Variants in KRT7 observed in about 807,000 individuals in gnomAD.
KRT7 encodes the protein keratin 7, also known as keratin, type II cytoskeletal 7.
Under a neutral mutation model 42.8 loss-of-function variants are expected in KRT7, and 50 were observed. That is an observed-to-expected ratio of 1.17 (90% CI 0.93 to 1.48). KRT7 has a LOEUF of 1.48. Among genes scored for constraint, KRT7 ranks in the 40% most tolerant of loss-of-function variants. KRT7 has a pLI of 0.00. For missense variants in KRT7, 588 were observed against 637.6 expected (o/e 0.92, Z 0.84); for synonymous variants, 268 against 266.3 (o/e 1.01, Z -0.06).
At chr12:52,254,298 T>C, downstream of KRT7, 1 of 984,732 alleles carries the variant, frequency 1.0e-6, no homozygotes, top group Non-Finnish European at 1.6e-6. Context: ...AGGAAGTCGA[T>C]CTCCTGGGTC....
At chr12:52,251,720 C>T (rs1056942560), downstream of KRT7, 1 of 338,046 alleles carries the variant, frequency 3.0e-6, no homozygotes, top group Non-Finnish European at 5.8e-6. Context: ...TGGTACATGA[C>T]TGTAGCTAAT....
chr12:52,241,438 C>A, intron 4 of KRT7, 34 bp from the exon 5 acceptor site: 2 of 1,563,394 alleles, frequency 1.3e-6, no homozygotes, highest in Non-Finnish European at 1.7e-6. Flanking sequence ...TAGGATCCTG[C>A]CCTAAGTCCT....
Position 52,243,091 on chromosome 12 carries a change from G to A in KRT7, c.938G>A (p.Arg313Gln), listed in dbSNP as rs761868018. The change falls in exon 6 of 9, where the codon CGG becomes CAG. Residue 313 changes from arginine to glutamine, a missense_variant. Transcript: ENST00000331817. Reference protein sequence around the residue: ...NTRNEISEMNRAIQRLQAEID... With the variant: ...NTRNEISEMNQAIQRLQAEID... The stretch of plus-strand genomic sequence containing the variant: ...CGGAATGAGATTTCAGAGATGAACC[G>A]GGCCATCCAGAGGCTGCAGGCTGAG... The A allele has an allele frequency of 1.7e-5, 27 of 1,613,632 alleles. No homozygotes were observed. The highest frequency in any genetic ancestry group is 4.5e-5 in the East Asian group (2 of 44,862).
intron 4 of KRT7, among the ~76,000 whole-genome samples, chr12:52,240,186 CATAT>C (rs57292935): frequency 1.5e-5 from 2 of 130,808 alleles, no homozygotes; most frequent in African/African-American, 5.5e-5. Flanking sequence ...CACACACACA[CATAT>C]ATATAAAGTT....
At chr12:52,245,171 TG>T (rs1453505438) in intron 6 of KRT7, 1 of 567,176 alleles carries the variant, frequency 1.8e-6, no homozygotes, top group Non-Finnish European at 3.1e-6. Context: ...GAGGGGACTT[TG>T]GCTTAGCAGG....
chr12:52,236,203 C>A (rs959680292), intron 2 of KRT7, among the ~76,000 whole-genome samples: 1 of 150,862 alleles, frequency 6.6e-6, no homozygotes. Context: ...GAGTGCCCCC[C>A]CCCAACACTC....
intron 1 of KRT7, 136 bp from the exon 2 acceptor site, chr12:52,235,019 G>T: frequency 1.3e-6 from 1 of 766,274 alleles, no homozygotes. Context: ...CAAAGGGAGA[G>T]GGCTGGAAGC....
chr12:52,238,188 C>T (rs1193254082), intron 3 of KRT7, among the ~76,000 whole-genome samples: 1 of 152,174 alleles, frequency 6.6e-6, no homozygotes, highest in East Asian at 1.9e-4. Context: ...GGAAGAGGCT[C>T]AGACACCATC....
In KRT7 at chr12:52,240,499, G is replaced by A. The variant is rs375064499; in HGVS notation, c.694-973G>A. On this transcript the variant is annotated intron_variant, in intron 4 of 8. Transcript: ENST00000331817. ...ACAAAAATTAGCCAGGCATGGTGGC[G>A]GGTGCCTGTAATCCCAGCTACACGG... Among the ~76,000 whole-genome samples the A allele has an allele frequency of 8.5e-4, 130 of 152,074 alleles. No individual in the cohort carries two copies. In the East Asian group the frequency reaches 0.019, roughly 22 times the overall value.
intron 4 of KRT7, among the ~76,000 whole-genome samples, chr12:52,240,186 CAT>C (rs57292935): frequency 0.033 from 4,256 of 130,846 alleles, 195 homozygotes; most frequent in African/African-American, 0.11. Flanking sequence ...CACACACACA[CAT>C]ATATATAAAG....
At chr12:52,250,306 C>T (rs1241766046), downstream of KRT7, among the ~76,000 whole-genome samples, 1 of 152,202 alleles carries the variant, frequency 6.6e-6, no homozygotes, top group Non-Finnish European at 1.5e-5. Context: ...AAGGGACTAG[C>T]GGGCGGGGAT....
At chr12:52,238,598 G>A in intron 3 of KRT7, 82 bp from the exon 4 acceptor site, 3 of 843,198 alleles carry the variant, frequency 3.6e-6, no homozygotes, top group Non-Finnish European at 6.2e-6. Flanking sequence ...GTTGGACAGG[G>A]CAGGCCTGCT....
At chr12:52,234,128 G>GGC (rs1555181954) in intron 1 of KRT7, among the ~76,000 whole-genome samples, 1 of 6,796 alleles carries the variant, frequency 1.5e-4, no homozygotes, top group Non-Finnish European at 2.9e-4. Flanking sequence ...GGGCGGGGGA[G>GGC]GGGGGGGGGC....
At chr12:52,251,991 G>A (rs1471471511), downstream of KRT7, 2 of 647,422 alleles carry the variant, frequency 3.1e-6, no homozygotes, top group African/African-American at 1.8e-5. Flanking sequence ...AGAACCCCAA[G>A]CTGTTATTTC....
In KRT7 at chr12:52,236,255, C is replaced by G. The variant is rs549677865; in HGVS notation, c.536+889C>G. Among the ~76,000 whole-genome samples the G allele has an allele frequency of 2.0e-5, 3 of 148,178 alleles. No homozygotes were observed. In the South Asian group the frequency reaches 6.8e-4, roughly 34 times the overall value. On this transcript the variant is annotated intron_variant, in intron 2 of 8. Transcript: ENST00000331817. Reference sequence around the variant, plus strand: ...AAAGTCAACAGGATTAGTCCCATAGCAGGTGGAACCAGACAGGTGCAGAGT... The same window carrying G: ...AAAGTCAACAGGATTAGTCCCATAGGAGGTGGAACCAGACAGGTGCAGAGT...
downstream of KRT7, among the ~76,000 whole-genome samples, chr12:52,255,667 CCT>C (rs1263698032): frequency 2.0e-5 from 3 of 152,170 alleles, no homozygotes; most frequent in Non-Finnish European, 2.9e-5. Context: ...TCGAAGACCT[CCT>C]CTCTGTTTCT....
intron 2 of KRT7, among the ~76,000 whole-genome samples, chr12:52,236,206 C>CCA (rs60431298): frequency 2.0e-5 from 3 of 150,806 alleles, no homozygotes; most frequent in Non-Finnish European, 4.4e-5. Flanking sequence ...TGCCCCCCCC[C>CCA]AACACTCCCA....
Position 52,248,803 on chromosome 12 carries a change from C to T in KRT7, c.*43C>T. On this transcript the variant is annotated 3_prime_UTR_variant, in exon 9 of 9. Coordinates refer to ENST00000331817, the MANE Select transcript of KRT7 (RefSeq NM_005556.4). ...CACTCCTCCAGCCACCACCCACAATCACAAGAAGATTCCCACCCCTGCCTC... is the reference window on the plus strand; with the variant it reads ...CACTCCTCCAGCCACCACCCACAATTACAAGAAGATTCCCACCCCTGCCTC... 6.7e-7 allele frequency: 1 copy of T among 1,482,446 alleles called. No individual in the cohort carries two copies. The highest frequency in any genetic ancestry group is 8.9e-7 in the Non-Finnish European group (1 of 1,117,900). The allele number at this position is 1,482,446 out of a possible 1,614,324, so 91.8% of individuals were successfully genotyped here. A position where few individuals can be genotyped will look rare whatever the true frequency, so the allele number is the denominator to read the frequency against.
chr12:52,253,807 C>T (rs778066408), downstream of KRT7: 1 of 605,602 alleles, frequency 1.7e-6, no homozygotes, highest in Non-Finnish European at 3.1e-6. Flanking sequence ...TAGACCAGAG[C>T]CCTACTCTTG....
Sources: gnomAD v4.1 joint callset for allele counts (sites outside exome capture counted in the v4.1 genomes callset) on GRCh38, gnomAD v4.1.1 for gene constraint, MANE v1.5 for transcripts, NCBI Gene and HGNC (gene_info 2026-07-23, HGNC 2026-07-21) for gene names.